Variants in NDUFB6 observed in about 807,000 individuals in gnomAD.
The protein encoded by NDUFB6 is NADH dehydrogenase [ubiquinone] 1 beta subcomplex subunit 6.
A neutral mutation model predicts 17.5 loss-of-function variants in NDUFB6; 23 were observed. That is an observed-to-expected ratio of 1.31 (90% CI 0.94 to 1.86). The LOEUF (loss-of-function observed/expected upper bound fraction) is 1.86. Among genes scored for constraint, NDUFB6 ranks in the 40% most tolerant of loss-of-function variants. The pLI is 0.00. For synonymous variants in NDUFB6, 60 were observed against 53.5 expected, an observed-to-expected ratio of 1.12 and a Z score of -0.53; for missense variants, 167 against 153.8, an observed-to-expected ratio of 1.09 and a Z score of -0.46.
intron 2 of NDUFB6, among the ~76,000 whole-genome samples, chr9:32,569,011 A>T (rs1165924564): frequency 1.3e-5 from 2 of 151,496 alleles, no homozygotes; most frequent in African/African-American, 2.4e-5. Context: ...GGCCTCCCAA[A>T]GTGGTAGGAT....
At chr9:32,570,198 C>A (rs1040834640) in intron 2 of NDUFB6, among the ~76,000 whole-genome samples, 2 of 152,142 alleles carry the variant, frequency 1.3e-5, no homozygotes, top group African/African-American at 4.8e-5. Flanking sequence ...TGCTCAGGTA[C>A]CAATATCCTA....
chr9:32,567,105 C>G (rs955311612), intron 2 of NDUFB6: 1 of 483,522 alleles, frequency 2.1e-6, no homozygotes, highest in Non-Finnish European at 4.3e-6. Flanking sequence ...CGCAGCTTCA[C>G]AGTCTTGTGC....
chr9:32,560,494 T>G (rs561937497), intron 2 of NDUFB6, among the ~76,000 whole-genome samples: 1 of 152,236 alleles, frequency 6.6e-6, no homozygotes, highest in South Asian at 2.1e-4. Flanking sequence ...CTGAAAACAT[T>G]GCTACATTCC....
chr9:32,572,275 G>A (rs1587653682), intron 1 of NDUFB6, among the ~76,000 whole-genome samples: 1 of 152,294 alleles, frequency 6.6e-6, no homozygotes, highest in East Asian at 1.9e-4. Context: ...TGAAAATAAA[G>A]TTCTTGAATG....
intron 1 of NDUFB6, among the ~76,000 whole-genome samples, chr9:32,571,838 A>C (rs1344754120): frequency 6.6e-6 from 1 of 152,220 alleles, no homozygotes; most frequent in African/African-American, 2.4e-5. Context: ...CAGGGATACA[A>C]AGGGTGGGAG....
Position 32,553,684 on chromosome 9 carries a change from C to A in NDUFB6, c.*192G>T. ...TGACCAGAAAAAGTAGGTAGTCTCT[C>A]ATATTTGTTTAGCATGTCCACTTTT... On this transcript the variant is annotated 3_prime_UTR_variant, in exon 4 of 4. Transcript: ENST00000379847. 1 of 537,244 alleles carries A rather than the reference C, an allele frequency of 1.9e-6. No individual in the cohort carries two copies. Among genetic ancestry groups the A allele is most frequent in the Non-Finnish European group, 3.3e-6 (1 of 301,202 alleles). The allele number at this position is 537,244 out of a possible 1,614,324, so 33.3% of individuals were successfully genotyped here. A position where few individuals can be genotyped will look rare whatever the true frequency, so the allele number is the denominator to read the frequency against.
rs1052039498 is a variant in NDUFB6, at chr9:32,562,945, T to C, written c.274-3991A>G. On this transcript the variant is annotated intron_variant, in intron 2 of 3. Coordinates refer to ENST00000379847, the MANE Select transcript of NDUFB6 (RefSeq NM_002493.5). ...ATTGCATTTAGTTGGCATATCTCTT[T>C]ATTCTTCCTCAATCTGGAACAATCT... 2.0e-5 allele frequency among the ~76,000 whole-genome samples: 3 copies of C among 152,252 alleles called. No homozygotes were observed. In the South Asian group the frequency reaches 6.2e-4, roughly 31 times the overall value.
intron 3 of NDUFB6, among the ~76,000 whole-genome samples, chr9:32,555,583 T>C (rs547166470): frequency 6.6e-6 from 1 of 152,358 alleles, no homozygotes; most frequent in Admixed American, 6.5e-5. Context: ...AATATTTTTC[T>C]TTTCATGCTT....
rs115013377 is a variant in NDUFB6 at position 32,564,147 on chromosome 9, C to T, written c.274-5193G>A. 3.8e-3 allele frequency among the ~76,000 whole-genome samples: 576 copies of T among 152,286 alleles called. 3 individuals are homozygous for T. The highest frequency in any genetic ancestry group is 0.013 in the African/African-American group (543 of 41,568). The stretch of plus-strand genomic sequence containing the variant: ...ATGTACACACAAACACGCATGCACA[C>T]ATCCACATTTACATCTATATCTATT... On this transcript the variant is annotated intron_variant, in intron 2 of 3. Transcript: ENST00000379847.
chr9:32,568,748 A>ATATATTTTT (rs1213123923), intron 2 of NDUFB6: 1 of 114,362 alleles, frequency 8.7e-6, no homozygotes, highest in Non-Finnish European at 1.7e-5. Context: ...ATATATATAT[A>ATATATTTTT]TTTTTTTTTT....
At chr9:32,556,973 TC>T (rs1264787359) in intron 3 of NDUFB6, among the ~76,000 whole-genome samples, 9 of 141,936 alleles carry the variant, frequency 6.3e-5, no homozygotes, top group Admixed American at 1.5e-4. Flanking sequence ...TGCCTCAGCC[TC>T]CCCGGTAGCT....
At chr9:32,563,141 T>A (rs188454871) in intron 2 of NDUFB6, among the ~76,000 whole-genome samples, 1 of 152,330 alleles carries the variant, frequency 6.6e-6, no homozygotes, top group Non-Finnish European at 1.5e-5. Context: ...AAAGTAATGC[T>A]GTGTTCTTAT....
At chr9:32,561,059 G>A (rs1285844887) in intron 2 of NDUFB6, among the ~76,000 whole-genome samples, 1 of 152,162 alleles carries the variant, frequency 6.6e-6, no homozygotes. Flanking sequence ...ATGAAATGAA[G>A]TAGCCTTTTT....
Position 32,573,129 on chromosome 9 carries a change from C to A in NDUFB6, c.-69G>T, listed in dbSNP as rs1821983633. ...ACTACGGACTAGTTACTTAAGCGCG[C>A]TCCCGCTCTGCAAAGCGACCTTGCG... On this transcript the variant is annotated 5_prime_UTR_variant, in exon 1 of 4. Coordinates refer to ENST00000379847, the MANE Select transcript of NDUFB6 (RefSeq NM_002493.5). 7.0e-7 allele frequency: 1 copy of A among 1,429,408 alleles called. No individual in the cohort carries two copies. The highest frequency in any genetic ancestry group is 9.2e-7 in the Non-Finnish European group (1 of 1,085,592). The allele number at this position is 1,429,408 out of a possible 1,614,324, so 88.5% of individuals were successfully genotyped here. A position where few individuals can be genotyped will look rare whatever the true frequency, so the allele number is the denominator to read the frequency against.
chr9:32,553,133 GTCAGA>G lies in NDUFB6; in HGVS notation c.*738_*742del. ...CAACCTAAATCTGACAGTCTTGAGT[GTCAGA>G]TCATAGTTGGAATAAGCTTTTCAAT... On this transcript the variant is annotated 3_prime_UTR_variant, in exon 4 of 4. Transcript: ENST00000379847. The G allele has an allele frequency of 2.2e-6, 1 of 449,450 alleles. No homozygotes were observed. 27.8% of individuals were successfully genotyped at this position (449,450 alleles called of 1,614,324 possible). A position where few individuals can be genotyped will look rare whatever the true frequency, so the allele number is the denominator to read the frequency against.
At chr9:32,555,671 A>C (rs745347665) in intron 3 of NDUFB6, among the ~76,000 whole-genome samples, 20 of 152,366 alleles carry the variant, frequency 1.3e-4, no homozygotes, top group Non-Finnish European at 1.8e-4. Context: ...AAATTAAAAC[A>C]ACCTCTGGCA....
Position 32,572,972 on chromosome 9 carries a change from G to A in NDUFB6, c.89C>T (p.Pro30Leu), listed in dbSNP as rs776377991. 1.2e-6 allele frequency: 2 copies of A among 1,611,920 alleles called. No individual in the cohort carries two copies. The highest frequency in any genetic ancestry group is 2.2e-5 in the South Asian group (2 of 90,982). Reference protein sequence around the residue: ...RRWLKDQELSPREPVLPPQKM... With the variant: ...RRWLKDQELSLREPVLPPQKM... The stretch of plus-strand genomic sequence containing the variant: ...CTGTGGGGGCAGCACCGGCTCCCGA[G>A]GGCTCAGCTCCTGGTCCTTCAGCCA... Residue 30 changes from proline to leucine, a missense_variant, in exon 1 of 4, where the codon CCT becomes CTT. Physicochemically the swap from Pro to Leu is moderately conservative, Grantham distance 98. Transcript: ENST00000379847.
At position 32,558,966 on chromosome 9, in the gene NDUFB6, G is replaced by A. The variant is rs1821552688; in HGVS notation, c.274-12C>T. 6.4e-7 allele frequency: 1 copy of A among 1,564,238 alleles called. No individual in the cohort carries two copies. Among genetic ancestry groups the A allele is most frequent in the Non-Finnish European group, 8.8e-7 (1 of 1,139,312 alleles). On this transcript the variant is annotated splice_polypyrimidine_tract_variant and intron_variant, in intron 2 of 3. Coordinates refer to ENST00000379847, the MANE Select transcript of NDUFB6 (RefSeq NM_002493.5). ...CCATATGGTTTTTCCTGTAATAAAA[G>A]TTAACTCTGTGTTAATTATGGTGTT... is the stretch of plus-strand genomic sequence containing the variant.
intron 2 of NDUFB6, among the ~76,000 whole-genome samples, chr9:32,559,368 T>C (rs1162389633): frequency 6.6e-6 from 1 of 152,224 alleles, no homozygotes; most frequent in Non-Finnish European, 1.5e-5. Flanking sequence ...CCTACTAGCC[T>C]CCCTGCTTCC....
Sources: allele counts gnomAD v4.1 joint callset (sites outside exome capture counted in the v4.1 genomes callset), GRCh38; gene constraint gnomAD v4.1.1; transcripts MANE v1.5; gene names NCBI Gene and HGNC (gene_info 2026-07-23, HGNC 2026-07-21).